Variants in PCGF6 observed in about 807,000 individuals in gnomAD.
PCGF6 encodes the protein polycomb group ring finger 6.
In PCGF6, 24 loss-of-function variants were observed where a neutral mutation model predicts 45.5. The ratio of observed to expected loss-of-function variants is 0.53; its 90% confidence interval spans 0.38 to 0.74. PCGF6 has a LOEUF of 0.74. Among genes scored for constraint, PCGF6 ranks in the 30% least tolerant of loss-of-function variants. The pLI is 0.00. For synonymous variants in PCGF6, 152 were observed against 162.1 expected, an observed-to-expected ratio of 0.94 and a Z score of 0.47; for missense variants, 356 against 443.2, an observed-to-expected ratio of 0.80 and a Z score of 1.77.
intron 6 of PCGF6, among the ~76,000 whole-genome samples, chr10:103,337,317 G>C (rs939646463): frequency 1.2e-4 from 19 of 152,064 alleles, no homozygotes; most frequent in South Asian, 1.2e-3. Context: ...ATGTATTATA[G>C]CACCATGGAC....
chr10:103,346,220 G>A (rs534546123), intron 5 of PCGF6, among the ~76,000 whole-genome samples: 140 of 149,652 alleles, frequency 9.4e-4, no homozygotes, highest in African/African-American at 2.7e-3. Context: ...AGCCAGGCGC[G>A]GTGGCTCACG....
chr10:103,316,252 T>C (rs561689648), intron 8 of PCGF6, among the ~76,000 whole-genome samples: 1 of 152,244 alleles, frequency 6.6e-6, no homozygotes, highest in East Asian at 1.9e-4. Context: ...CCCATAGACT[T>C]AAACCACTAA....
chr10:103,349,205 G>A (rs537533278), intron 1 of PCGF6, among the ~76,000 whole-genome samples: 10 of 151,638 alleles, frequency 6.6e-5, no homozygotes, highest in African/African-American at 2.2e-4. Context: ...GCACAACCAC[G>A]CCTGGCTAAT....
At chr10:103,335,835 C>T (rs1200286832) in intron 6 of PCGF6, among the ~76,000 whole-genome samples, 2 of 151,950 alleles carry the variant, frequency 1.3e-5, no homozygotes, top group Non-Finnish European at 1.5e-5. Context: ...GGTGTGGTGG[C>T]GCATGCCTGT....
At chr10:103,349,442 A>G (rs1297282198) in intron 1 of PCGF6, among the ~76,000 whole-genome samples, 2 of 151,546 alleles carry the variant, frequency 1.3e-5, no homozygotes, top group African/African-American at 2.4e-5. Flanking sequence ...GAAAGTTACA[A>G]TAATAACACA....
Position 103,314,275 on chromosome 10 carries a change from A to G in PCGF6, c.910-3T>C. 1 of 1,551,138 alleles carries G rather than the reference A, an allele frequency of 6.4e-7. No individual in the cohort carries two copies. The highest frequency in any genetic ancestry group is 8.9e-7 in the Non-Finnish European group (1 of 1,129,620). ...TGATCACCACAGATTATATCTACCT[A>G]TGGACATGAAGAGAGTATTAGATTG... On this transcript the variant is annotated splice_polypyrimidine_tract_variant and splice_region_variant and intron_variant, in intron 8 of 9. Coordinates refer to ENST00000369847, the MANE Select transcript of PCGF6 (RefSeq NM_001011663.2).
chr10:103,333,999 T>C, intron 6 of PCGF6, 47 bp from the exon 7 acceptor site: 2 of 1,279,012 alleles, frequency 1.6e-6, no homozygotes, highest in Non-Finnish European at 1.1e-6. Context: ...CTTTAAGCTA[T>C]ATGTTTAATC....
intron 9 of PCGF6, among the ~76,000 whole-genome samples, chr10:103,307,891 T>C (rs915891508): frequency 5.3e-5 from 8 of 152,202 alleles, no homozygotes; most frequent in African/African-American, 1.9e-4. Flanking sequence ...TTAATGACTA[T>C]GGTTTATTGT....
intron 8 of PCGF6, 133 bp downstream of exon 8, chr10:103,326,401 A>AC: frequency 1.8e-6 from 1 of 548,820 alleles, no homozygotes; most frequent in Non-Finnish European, 3.0e-6. Flanking sequence ...AAAAAAAAAA[A>AC]AAAAACAATG....
intron 6 of PCGF6, among the ~76,000 whole-genome samples, chr10:103,340,600 AT>A (rs758991880): frequency 0.033 from 4,812 of 145,722 alleles, 86 homozygotes; most frequent in Middle Eastern, 0.046. Context: ...CCCCAAAATA[AT>A]TTTTTTTTTT....
At position 103,315,685 on chromosome 10, in the gene PCGF6, T is replaced by C. The variant is rs567088542; in HGVS notation, c.910-1413A>G. 2.0e-5 allele frequency among the ~76,000 whole-genome samples: 3 copies of C among 152,078 alleles called. No individual in the cohort carries two copies. In the East Asian group the frequency reaches 5.8e-4, roughly 29 times the overall value. On this transcript the variant is annotated intron_variant, in intron 8 of 9. Coordinates refer to ENST00000369847, the MANE Select transcript of PCGF6 (RefSeq NM_001011663.2). Reference sequence around the variant, plus strand: ...ATTGTGTGGTTTTCTTTTTTCAATTTTTGTAGAGACAGGGTCTCGGTATAT... The same window carrying C: ...ATTGTGTGGTTTTCTTTTTTCAATTCTTGTAGAGACAGGGTCTCGGTATAT...
At chr10:103,324,787 A>AG (rs1592063387) in intron 8 of PCGF6, among the ~76,000 whole-genome samples, 1 of 150,022 alleles carries the variant, frequency 6.7e-6, no homozygotes, top group African/African-American at 2.5e-5. Context: ...AAAAAAAAAA[A>AG]AAAGAAAATA....
intron 9 of PCGF6, among the ~76,000 whole-genome samples, chr10:103,307,727 C>A (rs1406362706): frequency 1.3e-5 from 2 of 152,110 alleles, no homozygotes; most frequent in African/African-American, 4.8e-5. Context: ...CCCGCCTCGG[C>A]CTCCCAGAAT....
chr10:103,315,615 TC>T (rs2093172140), intron 8 of PCGF6, among the ~76,000 whole-genome samples: 1 of 152,136 alleles, frequency 6.6e-6, no homozygotes, highest in Non-Finnish European at 1.5e-5. Context: ...CACCTCAGCC[TC>T]CCAAAATGCT....
chr10:103,317,746 G>A (rs2093181328), intron 8 of PCGF6, among the ~76,000 whole-genome samples: 1 of 151,652 alleles, frequency 6.6e-6, no homozygotes, highest in East Asian at 1.9e-4. Flanking sequence ...CTAGAGGGTG[G>A]TCAGTTTCTT....
intron 7 of PCGF6, 79 bp from the exon 8 acceptor site, chr10:103,326,711 T>C (rs2093220303): frequency 6.1e-6 from 6 of 981,168 alleles, no homozygotes; most frequent in South Asian, 2.2e-5. Context: ...ATATATGTAA[T>C]GTGTAAACAT....
At position 103,345,145 on chromosome 10, in the gene PCGF6, C is replaced by G. The variant is rs773145991; in HGVS notation, c.674-13G>C. On this transcript the variant is annotated splice_polypyrimidine_tract_variant and intron_variant, in intron 5 of 9. Coordinates refer to ENST00000369847, the MANE Select transcript of PCGF6 (RefSeq NM_001011663.2). ...GGCTGTGGAACAGCTATTTAATAGTCAAACAAAAATGTTAATTAAGAATAA... is the reference window on the plus strand; with the variant it reads ...GGCTGTGGAACAGCTATTTAATAGTGAAACAAAAATGTTAATTAAGAATAA... The G allele has an allele frequency of 6.5e-7, 1 of 1,535,290 alleles. No homozygotes were observed. The highest frequency in any genetic ancestry group is 1.7e-4 in the Middle Eastern group (1 of 5,820).
chr10:103,328,180 A>G (rs950386437), intron 7 of PCGF6, among the ~76,000 whole-genome samples: 5 of 152,116 alleles, frequency 3.3e-5, no homozygotes, highest in Non-Finnish European at 5.9e-5. Flanking sequence ...AATCAGAACT[A>G]AACAGTCCCT....
At position 103,350,987 on chromosome 10, in the gene PCGF6, G is replaced by A. The variant is rs751750682; in HGVS notation, c.80C>T (p.Pro27Leu). 14 of 1,434,776 alleles carry A rather than the reference G, an allele frequency of 9.8e-6. No individual in the cohort carries two copies. In the African/African-American group the frequency reaches 1.9e-4, roughly 20 times the overall value. The allele number at this position is 1,434,776 out of a possible 1,614,324, so 88.9% of individuals were successfully genotyped here. A position where few individuals can be genotyped will look rare whatever the true frequency, so the allele number is the denominator to read the frequency against. Residue 27 changes from proline (P) to leucine (L), a missense_variant, in exon 1 of 10, where the codon CCT (proline) becomes CTT (leucine). Pro to Leu is a moderately conservative substitution (Grantham distance 98). Transcript: ENST00000369847. ...TEGAAALPPP[P>L]PVSPPALTPA... is the part of the protein sequence containing the mutation. ...GGTGAGGGCGGGCGGGGAGACAGGA[G>A]GCGGAGGCGGCAAGGCTGCAGCTCC...
Sources: gnomAD v4.1 joint callset for allele counts (sites outside exome capture counted in the v4.1 genomes callset) on GRCh38, gnomAD v4.1.1 for gene constraint, MANE v1.5 for transcripts, NCBI Gene and HGNC (gene_info 2026-07-23, HGNC 2026-07-21) for gene names.